COL5A1: variants seen among roughly 807,000 people sequenced by gnomAD.
COL5A1 encodes the protein collagen type V alpha 1 chain.
Under a neutral mutation model 263.7 loss-of-function variants are expected in COL5A1, and 16 were observed. The ratio of observed to expected loss-of-function variants is 0.06; its 90% CI spans 0.04 to 0.09. The LOEUF (loss-of-function observed/expected upper bound fraction) is 0.09, where lower values mean the gene tolerates loss of function less well. Ranked by LOEUF, COL5A1 falls within the 10% of genes least tolerant of loss-of-function variation. The pLI is 1.00. For missense variants in COL5A1, 2,036 were observed against 2,540.5 expected (o/e 0.80, Z 4.27); for synonymous variants, 1,012 against 1,004.5 (o/e 1.01, Z -0.14).
At chr9:134,648,202 C>T (rs1432111550) in intron 1 of COL5A1, among the ~76,000 whole-genome samples, 2 of 151,774 alleles carry the variant, frequency 1.3e-5, no homozygotes, top group African/African-American at 2.4e-5. Context: ...GTTTGGGACT[C>T]GGACTTGCTC....
In COL5A1 at chr9:134,829,789, A is replaced by T. The variant is rs908764139; in HGVS notation, c.5068-187A>T. On this transcript the variant is annotated intron_variant, in intron 63 of 65. Transcript: ENST00000371817. Reference sequence around the variant, plus strand: ...CCGGGCTCATTCTCCTGTGACCTCCAGTCTCCCCACAAGGGCCGGGGCCCT... The same window carrying T: ...CCGGGCTCATTCTCCTGTGACCTCCTGTCTCCCCACAAGGGCCGGGGCCCT... Among the ~76,000 whole-genome samples the T allele has an allele frequency of 3.3e-5, 5 of 151,666 alleles. No individual in the cohort carries two copies. The East Asian group carries it at 9.7e-4, about 29-fold the overall frequency.
chr9:134,745,430 A>G (rs1255180454), intron 11 of COL5A1, among the ~76,000 whole-genome samples: 1 of 152,144 alleles, frequency 6.6e-6, no homozygotes, highest in African/African-American at 2.4e-5. Flanking sequence ...TGGCTGGGTG[A>G]GTCCAGGAGT....
chr9:134,725,656 G>T (rs1439094311), intron 4 of COL5A1, among the ~76,000 whole-genome samples: 1 of 152,196 alleles, frequency 6.6e-6, no homozygotes, highest in Non-Finnish European at 1.5e-5. Context: ...ATGGTTAGAG[G>T]AAGAAGGAAT....
rs397951217 is a variant in COL5A1 at position 134,800,749 on chromosome 9, CAAAAAAA to C, written c.2953-1187_2953-1181del. 5.0e-4 allele frequency among the ~76,000 whole-genome samples: 41 copies of C among 81,620 alleles called. 1 individual carries two copies. Among genetic ancestry groups the C allele is most frequent in the East Asian group, 9.3e-4 (2 of 2,158 alleles). The allele number at this position is 81,620 out of a possible 152,430, so 53.5% of individuals were successfully genotyped here. A position where few individuals can be genotyped will look rare whatever the true frequency, so the allele number is the denominator to read the frequency against. On this transcript the variant is annotated intron_variant, in intron 37 of 65. Coordinates refer to ENST00000371817, the MANE Select transcript of COL5A1 (RefSeq NM_000093.5). ...AACAGGAGTGAAACTCTGTCTCAAACAAAAAAAAAAAAAAAAAAAAAAAAGAAGCTAG... is the reference window on the plus strand; with the variant it reads ...AACAGGAGTGAAACTCTGTCTCAAACAAAAAAAAAAAAAAAAAGAAGCTAG...
intron 41 of COL5A1, among the ~76,000 whole-genome samples, chr9:134,805,971 C>CA (rs775677429): frequency 3.3e-5 from 5 of 152,130 alleles, no homozygotes; most frequent in Non-Finnish European, 7.4e-5. Flanking sequence ...GGCACACTGT[C>CA]AGACACCAGG....
chr9:134,698,032 C>T (rs1237858530), intron 2 of COL5A1, among the ~76,000 whole-genome samples: 2 of 151,364 alleles, frequency 1.3e-5, no homozygotes, highest in East Asian at 1.9e-4. Flanking sequence ...TGCAGTGAGC[C>T]GAGATCTCAC....
intron 4 of COL5A1, among the ~76,000 whole-genome samples, chr9:134,711,329 A>G (rs534310566): frequency 6.6e-6 from 1 of 152,024 alleles, no homozygotes; most frequent in East Asian, 1.9e-4. Context: ...TGTCGTATAG[A>G]CCGTGCGCCT....
At chr9:134,747,678 TAC>T (rs1373169623) in intron 11 of COL5A1, among the ~76,000 whole-genome samples, 26 of 144,450 alleles carry the variant, frequency 1.8e-4, no homozygotes, top group Admixed American at 6.2e-4. Flanking sequence ...CATGTATTCA[TAC>T]ACACATGCAA....
chr9:134,749,394 A>G (rs1379339139), intron 11 of COL5A1, among the ~76,000 whole-genome samples: 4 of 152,222 alleles, frequency 2.6e-5, no homozygotes, highest in Admixed American at 6.5e-5. Flanking sequence ...TTTCACTTTC[A>G]CTGTATAAAT....
rs1452140607 is a variant in COL5A1, at chr9:134,716,265, C to T, written c.655-11001C>T. ...AATTAGTCATACGCTGACATCCTCA[C>T]AGATGACAAGGGAGGGACCCGGTGC... is the stretch of plus-strand genomic sequence containing the variant. On this transcript the variant is annotated intron_variant, in intron 4 of 65. Coordinates refer to ENST00000371817, the MANE Select transcript of COL5A1 (RefSeq NM_000093.5). The surrounding 1 kb of genome is among the most constrained non-coding windows in gnomAD (Gnocchi z 4.5). Among the ~76,000 whole-genome samples the T allele has an allele frequency of 6.6e-6, 1 of 152,188 alleles. No homozygotes were observed. Among genetic ancestry groups the T allele is most frequent in the East Asian group, 1.9e-4 (1 of 5,192 alleles).
At chr9:134,824,338 A>G (rs898878671) in intron 61 of COL5A1, among the ~76,000 whole-genome samples, 1 of 152,190 alleles carries the variant, frequency 6.6e-6, no homozygotes, top group Non-Finnish European at 1.5e-5. Flanking sequence ...CCAAGGCTGC[A>G]AACTGTTAAG....
chr9:134,789,045 G>T lies in COL5A1; in HGVS notation c.2647-110G>T. 1 of 944,672 alleles carries T rather than the reference G, an allele frequency of 1.1e-6. No homozygotes were observed. The highest frequency in any genetic ancestry group is 2.0e-5 in the Admixed American group (1 of 51,096). The allele number at this position is 944,672 out of a possible 1,614,324, so 58.5% of individuals were successfully genotyped here. On this transcript the variant is annotated intron_variant, in intron 31 of 65. Coordinates refer to ENST00000371817, the MANE Select transcript of COL5A1 (RefSeq NM_000093.5). This position sits in a 1 kb window ranked among gnomAD's most constrained non-coding sequence, Gnocchi z 4.8. ...GTGGTTGGGTGGGTGGGCAGGTGGA[G>T]TCTGGGGCAGAGGCTGTGCACTGGC...
chr9:134,742,658 C>A lies in COL5A1; in HGVS notation c.1494+3850C>A, dbSNP rs546681932. On this transcript the variant is annotated intron_variant, in intron 11 of 65. Transcript: ENST00000371817. This position sits in a 1 kb window ranked among gnomAD's most constrained non-coding sequence, Gnocchi z 4.6. ...CAGGTGGCCGTTACTCAGCCCCTCTCTGGCCTGGGTTTCTTGTGGGTCTGG... is the reference window on the plus strand; with the variant it reads ...CAGGTGGCCGTTACTCAGCCCCTCTATGGCCTGGGTTTCTTGTGGGTCTGG... Among the ~76,000 whole-genome samples, 31 of 152,342 alleles carry A rather than the reference C, an allele frequency of 2.0e-4. No homozygotes were observed. The highest frequency in any genetic ancestry group is 3.4e-3 in the Middle Eastern group (1 of 294).
intron 37 of COL5A1, among the ~76,000 whole-genome samples, chr9:134,800,749 C>CAAAAAAAAAAAA (rs397951217): frequency 1.7e-4 from 14 of 81,606 alleles, no homozygotes; most frequent in African/African-American, 2.3e-4. Context: ...CTGTCTCAAA[C>CAAAAAAAAAAAA]AAAAAAAAAA....
intron 63 of COL5A1, among the ~76,000 whole-genome samples, chr9:134,828,904 A>G (rs1478455316): frequency 2.0e-5 from 3 of 147,818 alleles, no homozygotes; most frequent in Non-Finnish European, 4.4e-5. Context: ...TACCACACAC[A>G]CAGCATACAC....
chr9:134,684,947 T>C (rs1033773629), intron 1 of COL5A1, among the ~76,000 whole-genome samples: 48 of 150,004 alleles, frequency 3.2e-4, no homozygotes, highest in Non-Finnish European at 4.9e-4. Context: ...CCACCATCCA[T>C]TCATCCATCC....
chr9:134,685,688 A>C (rs1833046965), intron 1 of COL5A1, among the ~76,000 whole-genome samples: 3 of 136,376 alleles, frequency 2.2e-5, no homozygotes, highest in Admixed American at 7.5e-5. Flanking sequence ...CCATCCATCC[A>C]CCATCATCCA....
Position 134,796,459 on chromosome 9 carries a change from G to T in COL5A1, c.2844+41G>T, listed in dbSNP as rs76043837. On this transcript the variant is annotated intron_variant, in intron 35 of 65. Coordinates refer to ENST00000371817, the MANE Select transcript of COL5A1 (RefSeq NM_000093.5). ...CTTCGGGGGTGTCTCCAAGGGCAGA[G>T]CCTGCCTCGAATGCCCCCTGCACTT... 0.025 allele frequency: 40,713 copies of T among 1,605,350 alleles called. 687 individuals are homozygous for T. Among genetic ancestry groups the T allele is most frequent in the Non-Finnish European group, 0.028 (33,059 of 1,172,298 alleles).
chr9:134,663,443 C>A (rs569952926), intron 1 of COL5A1, among the ~76,000 whole-genome samples: 2 of 152,316 alleles, frequency 1.3e-5, no homozygotes, highest in East Asian at 3.9e-4. Flanking sequence ...AGGAGGCCGC[C>A]CTGGCCAACC....
Sources: allele counts gnomAD v4.1 joint callset (sites outside exome capture counted in the v4.1 genomes callset), GRCh38; gene constraint gnomAD v4.1.1; non-coding constraint Gnocchi (gnomAD v3.1); transcripts MANE v1.5; gene names NCBI Gene and HGNC (gene_info 2026-07-23, HGNC 2026-07-21).